PTPRT: variants seen among roughly 807,000 people sequenced by gnomAD.
The protein encoded by PTPRT is protein tyrosine phosphatase receptor type T.
Under a neutral mutation model 176.8 loss-of-function variants are expected in PTPRT, and 56 were observed. The ratio of observed to expected loss-of-function variants is 0.32; its 90% confidence interval spans 0.26 to 0.40. The LOEUF (loss-of-function observed/expected upper bound fraction) is 0.40. Ranked by LOEUF, PTPRT falls within the 10% of genes least tolerant of loss-of-function variation. PTPRT has a pLI of 1.00. For synonymous variants in PTPRT, 783 were observed against 739.0 expected, an observed-to-expected ratio of 1.06 and a Z score of -0.96; for missense variants, 1,540 against 1,908.2, an observed-to-expected ratio of 0.81 and a Z score of 3.60.
chr20:42,393,115 C>T (rs1164719916), intron 9 of PTPRT, among the ~76,000 whole-genome samples: 2 of 152,042 alleles, frequency 1.3e-5, no homozygotes, highest in Non-Finnish European at 2.9e-5. Context: ...GAGATAAGGA[C>T]GTTCCTCTCC....
intron 16 of PTPRT, among the ~76,000 whole-genome samples, chr20:42,195,264 C>T (rs943403149): frequency 6.6e-6 from 1 of 152,160 alleles, no homozygotes; most frequent in Non-Finnish European, 1.5e-5. Context: ...GCTCAAGGCA[C>T]GTTCTTCTGT....
rs554812257 is a variant in PTPRT at position 42,416,882 on chromosome 20, A to C, written c.1560+31338T>G. On this transcript the variant is annotated intron_variant, in intron 9 of 30. Coordinates refer to ENST00000373187, the MANE Select transcript of PTPRT (RefSeq NM_007050.6). ...TACAATATAATAACAACCAGGACAA[A>C]ATTCTTCCTAGATGTGGACAAGGAC... 1.6e-4 allele frequency among the ~76,000 whole-genome samples: 24 copies of C among 152,300 alleles called. No individual in the cohort carries two copies. The South Asian group carries it at 5.0e-3, about 32-fold the overall frequency.
intron 8 of PTPRT, among the ~76,000 whole-genome samples, chr20:42,466,507 C>A (rs2145906522): frequency 1.3e-5 from 2 of 152,248 alleles, no homozygotes; most frequent in Middle Eastern, 6.8e-3. Context: ...AAACTGAAAT[C>A]TTTAACCTAA....
At chr20:42,556,583 G>T (rs2072865521) in intron 7 of PTPRT, among the ~76,000 whole-genome samples, 1 of 151,872 alleles carries the variant, frequency 6.6e-6, no homozygotes, top group Non-Finnish European at 1.5e-5. Flanking sequence ...ATAATAGATA[G>T]ATGAAGAAAT....
chr20:42,624,731 G>A (rs2074260212), intron 7 of PTPRT, among the ~76,000 whole-genome samples: 1 of 152,184 alleles, frequency 6.6e-6, no homozygotes, highest in Non-Finnish European at 1.5e-5. Flanking sequence ...GCAAATCATA[G>A]TTAATTAACA....
Position 42,543,637 on chromosome 20 carries a change from C to T in PTPRT, c.1154-71075G>A, listed in dbSNP as rs554840870. 1.6e-4 allele frequency among the ~76,000 whole-genome samples: 25 copies of T among 151,624 alleles called. No homozygotes were observed. The East Asian group carries it at 2.7e-3, about 16-fold the overall frequency. On this transcript the variant is annotated intron_variant, in intron 7 of 30. Coordinates refer to ENST00000373187, the MANE Select transcript of PTPRT (RefSeq NM_007050.6). ...ATGTCCTTAATGGCATCTAGAATGG[C>T]GAATCCTTTCCTGAAGGTTTCCCAT...
At chr20:43,031,416 A>C (rs1296174717) in intron 1 of PTPRT, among the ~76,000 whole-genome samples, 1 of 152,190 alleles carries the variant, frequency 6.6e-6, no homozygotes, top group Admixed American at 6.5e-5. Context: ...GCAAGCCCTC[A>C]CCAGATACTG....
intron 2 of PTPRT, among the ~76,000 whole-genome samples, chr20:42,837,135 G>A (rs916479570): frequency 2.8e-4 from 43 of 152,182 alleles, no homozygotes; most frequent in African/African-American, 2.7e-4. Context: ...GGACGTGGGC[G>A]TCCCACAGTC....
At chr20:42,858,730 CT>C (rs1028295929) in intron 2 of PTPRT, among the ~76,000 whole-genome samples, 2 of 152,170 alleles carry the variant, frequency 1.3e-5, no homozygotes, top group Non-Finnish European at 2.9e-5. Context: ...GTTTATGGTA[CT>C]TTTTTATAGA....
intron 1 of PTPRT, among the ~76,000 whole-genome samples, chr20:43,151,864 A>C (rs1487373881): frequency 7.0e-6 from 1 of 142,286 alleles, no homozygotes; most frequent in East Asian, 2.0e-4. Flanking sequence ...ACTCCGTCTC[A>C]AAAAAAAAAA....
chr20:42,146,138 C>T (rs1401155690), intron 17 of PTPRT, among the ~76,000 whole-genome samples: 7 of 152,144 alleles, frequency 4.6e-5, no homozygotes, highest in Non-Finnish European at 1.0e-4. Context: ...CAGCCCTAGC[C>T]TCCTCTTCTA....
At chr20:42,706,183 G>T (rs58452665) in intron 6 of PTPRT, among the ~76,000 whole-genome samples, 2 of 50,150 alleles carry the variant, frequency 4.0e-5, no homozygotes, top group East Asian at 1.2e-3. Context: ...CTCTGTTTGT[G>T]TGTGTGTGTG....
At chr20:43,091,306 T>C (rs1465027347) in intron 1 of PTPRT, among the ~76,000 whole-genome samples, 1 of 152,016 alleles carries the variant, frequency 6.6e-6, no homozygotes, top group Non-Finnish European at 1.5e-5. Context: ...AGGTAATCCA[T>C]GAAGGAATGG....
At chr20:42,570,794 C>T (rs934094802) in intron 7 of PTPRT, among the ~76,000 whole-genome samples, 6 of 152,166 alleles carry the variant, frequency 3.9e-5, no homozygotes, top group Non-Finnish European at 4.4e-5. Context: ...TACATTGGGC[C>T]CACCTGAATA....
intron 15 of PTPRT, among the ~76,000 whole-genome samples, chr20:42,222,652 G>A (rs1600696846): frequency 6.6e-6 from 1 of 152,216 alleles, no homozygotes; most frequent in East Asian, 1.9e-4. Flanking sequence ...TGAACGCGTG[G>A]AGGTTCCTGG....
At chr20:42,794,354 T>C (rs934357454) in intron 2 of PTPRT, among the ~76,000 whole-genome samples, 8 of 152,130 alleles carry the variant, frequency 5.3e-5, no homozygotes, top group African/African-American at 1.7e-4. Context: ...CAAAGACTGG[T>C]CCTTGGACCA....
At position 42,084,674 on chromosome 20, in the gene PTPRT, G is replaced by A. The variant is rs6130030; in HGVS notation, c.4136+8C>T. The A allele has an allele frequency of 0.037, 55,495 of 1,484,716 alleles. 1,208 individuals are homozygous for A. Among genetic ancestry groups the A allele is most frequent in the East Asian group, 0.086 (3,509 of 40,888 alleles). 92.0% of individuals were successfully genotyped at this position (1,484,716 alleles called of 1,614,324 possible). On this transcript the variant is annotated splice_region_variant and intron_variant, in intron 29 of 30. Coordinates refer to ENST00000373187, the MANE Select transcript of PTPRT (RefSeq NM_007050.6). ...CTATTGCCCTGGTGACACCTCCCTA[G>A]TACTCACAGGCAGTGGACCACAGTA...
intron 7 of PTPRT, among the ~76,000 whole-genome samples, chr20:42,557,067 T>A (rs2072873443): frequency 6.6e-6 from 1 of 152,050 alleles, no homozygotes. Context: ...GGCAACCCAG[T>A]GTGGCAGAGG....
rs575202825 is a variant in PTPRT, at chr20:43,044,770, C to A, written c.88+144876G>T. ...TAAGTAGTAGACAGCCAGTGTAGTGCACGGTGCAGACAACTCAATAAAATA... is the reference window on the plus strand; with the variant it reads ...TAAGTAGTAGACAGCCAGTGTAGTGAACGGTGCAGACAACTCAATAAAATA... On this transcript the variant is annotated intron_variant, in intron 1 of 30. Coordinates refer to ENST00000373187, the MANE Select transcript of PTPRT (RefSeq NM_007050.6). Among the ~76,000 whole-genome samples, 4 of 152,336 alleles carry A rather than the reference C, an allele frequency of 2.6e-5. No individual in the cohort carries two copies. The East Asian group carries it at 7.7e-4, about 29-fold the overall frequency.
Sources: gnomAD v4.1 joint callset for allele counts (sites outside exome capture counted in the v4.1 genomes callset) on GRCh38, gnomAD v4.1.1 for gene constraint, MANE v1.5 for transcripts, NCBI Gene and HGNC (gene_info 2026-07-23, HGNC 2026-07-21) for gene names.